Variants in E2F8 observed in about 807,000 individuals in gnomAD.
E2F8 encodes E2F transcription factor 8.
A neutral mutation model predicts 80.8 loss-of-function variants in E2F8; 35 were observed. The ratio of observed to expected loss-of-function variants is 0.43; its 90% confidence interval spans 0.33 to 0.57. The LOEUF is 0.57. Ranked by LOEUF, E2F8 falls within the 20% of genes least tolerant of loss-of-function variation. E2F8 has a pLI of 0.04. For synonymous variants in E2F8, 386 were observed against 395.0 expected (o/e 0.98, Z 0.27); for missense variants, 975 against 1,056.2 (o/e 0.92, Z 1.07).
intron 2 of E2F8, among the ~76,000 whole-genome samples, chr11:19,238,556 A>G (rs560222216): frequency 3.3e-5 from 5 of 152,392 alleles, no homozygotes; most frequent in African/African-American, 1.2e-4. Context: ...TTGTTTACTC[A>G]TGGCACTGTA....
upstream of E2F8, among the ~76,000 whole-genome samples, chr11:19,241,168 G>C (rs1458992826): frequency 6.6e-6 from 1 of 152,218 alleles, no homozygotes; most frequent in East Asian, 1.9e-4. This position sits in a 1 kb window ranked among gnomAD's most constrained non-coding sequence, Gnocchi z 4.5. Flanking sequence ...ACCGTGGCCG[G>C]CGCCTCCCCT....
At chr11:19,236,822 AG>A (rs1851531569) in intron 4 of E2F8, among the ~76,000 whole-genome samples, 1 of 152,220 alleles carries the variant, frequency 6.6e-6, no homozygotes, top group Non-Finnish European at 1.5e-5. Flanking sequence ...CAGAGTAAAA[AG>A]GGGCAGGAGG....
At chr11:19,239,182 G>A (rs1332185552) in intron 2 of E2F8, among the ~76,000 whole-genome samples, 1 of 152,218 alleles carries the variant, frequency 6.6e-6, no homozygotes, top group Non-Finnish European at 1.5e-5. Context: ...CCGTTTGTAT[G>A]TTCATGGAAT....
chr11:19,229,463 A>G lies in E2F8; in HGVS notation c.1884T>C (p.Asn628=), dbSNP rs1265035005. 2 of 1,612,938 alleles carry G rather than the reference A, an allele frequency of 1.2e-6. No individual in the cohort carries two copies. Among genetic ancestry groups the G allele is most frequent in the Non-Finnish European group, 8.5e-7 (1 of 1,179,492 alleles). The change falls in exon 10 of 13, where the codon AAT becomes AAC. Residue 628 remains asparagine (N), a synonymous_variant. Coordinates refer to ENST00000250024, the MANE Select transcript of E2F8 (RefSeq NM_024680.4). This position sits in a 1 kb window ranked among gnomAD's most constrained non-coding sequence, Gnocchi z 4.3. ...KFKEDLKGLE[N]VSATLFPSGY... Reference sequence around the variant, plus strand: ...TCAAGGCTGTACTTACTGCGGAGACATTTTCAAGTCCTTTTAGGTCCTCTT... The same window carrying G: ...TCAAGGCTGTACTTACTGCGGAGACGTTTTCAAGTCCTTTTAGGTCCTCTT...
At chr11:19,224,968 G>A (rs867969890) in intron 12 of E2F8, 128 bp from the exon 13 acceptor site, 53 of 1,253,650 alleles carry the variant, frequency 4.2e-5, no homozygotes, top group Middle Eastern at 5.6e-4. Context: ...TGAAATTGGC[G>A]AGGGAAGCTT....
chr11:19,228,507 G>A (rs890602660), intron 10 of E2F8, among the ~76,000 whole-genome samples: 5 of 152,170 alleles, frequency 3.3e-5, no homozygotes, highest in Non-Finnish European at 7.3e-5. Context: ...ATGCCCACAG[G>A]CAAGTACCCA....
Position 19,225,380 on chromosome 11 carries a change from A to G in E2F8, c.2262T>C (p.Pro754=). The change falls in exon 12 of 13, where the codon CCT becomes CCC. Residue 754 remains proline (P), a synonymous_variant. Coordinates refer to ENST00000250024, the MANE Select transcript of E2F8 (RefSeq NM_024680.4). The stretch of plus-strand genomic sequence containing the variant: ...GAGACACAGGAACGATTCCAGACCC[A>G]GGGCTGGCAGACAACTGCACATTGG... ...ISPNVQLSAS[P]GSGIVPVSPR... is the part of the protein sequence containing the mutation. The G allele has an allele frequency of 1.9e-6, 3 of 1,614,180 alleles. No homozygotes were observed. The highest frequency in any genetic ancestry group is 2.5e-6 in the Non-Finnish European group (3 of 1,180,028).
At position 19,232,256 on chromosome 11, in the gene E2F8, T is replaced by C. The variant is rs1163982014; in HGVS notation, c.1044A>G (p.Pro348=). The stretch of plus-strand genomic sequence containing the variant: ...TACCACTGGTATTTGGACTGATTTC[T>C]GGGCCGGTCCATTTGAAAGCTGGTT... ...GRKPAFKWTG[P]EISPNTSGSS... is the part of the protein sequence containing the mutation. The change falls in exon 7 of 13, where the codon CCA becomes CCG. Residue 348 remains proline (P), a synonymous_variant. Coordinates refer to ENST00000250024, the MANE Select transcript of E2F8 (RefSeq NM_024680.4). The C allele has an allele frequency of 5.6e-6, 9 of 1,614,206 alleles. No individual in the cohort carries two copies. Among genetic ancestry groups the C allele is most frequent in the Non-Finnish European group, 7.6e-6 (9 of 1,180,018 alleles).
chr11:19,230,808 G>C lies in E2F8; in HGVS notation c.1093C>G (p.Pro365Ala), dbSNP rs779789465. Residue 365 changes from proline to alanine, a missense_variant, in exon 8 of 13, where the codon CCC becomes GCC. Transcript: ENST00000250024. ...SGSSPVIHFT[P>A]SDLEVRRSSK... ...GACCGTCTCACCTCCAAATCAGAGG[G>C]AGTAAAATGAATGACTGGGCTGGAG... The C allele has an allele frequency of 1.9e-6, 3 of 1,614,146 alleles. No homozygotes were observed. The highest frequency in any genetic ancestry group is 1.1e-5 in the South Asian group (1 of 91,080).
At chr11:19,224,999 A>G (rs1851192000) in intron 12 of E2F8, 159 bp from the exon 13 acceptor site, 5 of 1,137,752 alleles carry the variant, frequency 4.4e-6, no homozygotes, top group South Asian at 3.2e-5. Flanking sequence ...TACATTCTCA[A>G]TTATTTTTGT....
At chr11:19,225,018 A>T in intron 12 of E2F8, 178 bp from the exon 13 acceptor site, 1 of 1,116,980 alleles carries the variant, frequency 9.0e-7, no homozygotes, top group Non-Finnish European at 1.3e-6. Flanking sequence ...GTTAGGGGAG[A>T]GACAAAAATC....
chr11:19,229,495 T>C lies in E2F8; in HGVS notation c.1852A>G (p.Lys618Glu). The change falls in exon 10 of 13, where the codon AAA becomes GAA. Residue 618 changes from lysine (K) to glutamate (E), a missense_variant. Physicochemically the swap from Lys to Glu is moderately conservative, Grantham distance 56. Coordinates refer to ENST00000250024, the MANE Select transcript of E2F8 (RefSeq NM_024680.4). The surrounding 1 kb of genome is among the most constrained non-coding windows in gnomAD (Gnocchi z 4.3). Reference protein sequence around the residue: ...SMLEDSGSKKKFKEDLKGLEN... With the variant: ...SMLEDSGSKKEFKEDLKGLEN... ...AGTCCTTTTAGGTCCTCTTTAAATT[T>C]CTTTTTGGAACCACTGTCCTCGAGC... 1 of 1,614,120 alleles carries C rather than the reference T, an allele frequency of 6.2e-7. No individual in the cohort carries two copies. Among genetic ancestry groups the C allele is most frequent in the East Asian group, 2.2e-5 (1 of 44,890 alleles).
chr11:19,233,447 C>T (rs1186213479), intron 6 of E2F8, among the ~76,000 whole-genome samples: 1 of 152,146 alleles, frequency 6.6e-6, no homozygotes, highest in East Asian at 1.9e-4. Flanking sequence ...ACCCACTTTA[C>T]AATTTACTCT....
At chr11:19,238,600 C>A (rs776650608) in intron 2 of E2F8, among the ~76,000 whole-genome samples, 1 of 152,206 alleles carries the variant, frequency 6.6e-6, no homozygotes, top group Non-Finnish European at 1.5e-5. Context: ...AAATTCTTAT[C>A]CACCTAGCAT....
At chr11:19,226,831 C>T (rs999960804) in intron 10 of E2F8, among the ~76,000 whole-genome samples, 11 of 152,144 alleles carry the variant, frequency 7.2e-5, no homozygotes, top group South Asian at 2.1e-4. Context: ...TCTTAAAATA[C>T]GCAAAGTACA....
At chr11:19,224,929 G>T in intron 12 of E2F8, 89 bp from the exon 13 acceptor site, 1 of 1,447,144 alleles carries the variant, frequency 6.9e-7, no homozygotes, top group Non-Finnish European at 9.4e-7. Context: ...CTGGATGAAT[G>T]TATTGCACAT....
intron 9 of E2F8, 31 bp from the exon 10 acceptor site, chr11:19,230,019 T>C (rs1248377847): frequency 2.5e-6 from 4 of 1,610,142 alleles, no homozygotes; most frequent in East Asian, 2.2e-5. Flanking sequence ...CACGACATGA[T>C]GGATATACAT....
chr11:19,234,657 G>A, intron 5 of E2F8, 87 bp downstream of exon 5: 1 of 1,527,842 alleles, frequency 6.5e-7, no homozygotes, highest in Non-Finnish European at 8.8e-7. Flanking sequence ...GGCAGCAGTA[G>A]CTTTAGAGCT....
At chr11:19,238,274 C>G (rs1851576309) in intron 2 of E2F8, 142 bp from the exon 3 acceptor site, 1 of 818,402 alleles carries the variant, frequency 1.2e-6, no homozygotes, top group African/African-American at 1.7e-5. Context: ...AAATTAATAA[C>G]TGTATTCTAA....
Sources: allele counts gnomAD v4.1 joint callset (sites outside exome capture counted in the v4.1 genomes callset), GRCh38; gene constraint gnomAD v4.1.1; non-coding constraint Gnocchi (gnomAD v3.1); transcripts MANE v1.5; gene names NCBI Gene and HGNC (gene_info 2026-07-23, HGNC 2026-07-21).